The following FAM13A variants were observed in gnomAD, a reference collection of about 807,000 sequenced individuals.
FAM13A encodes family with sequence similarity 13 member A, also known as protein FAM13A.
A neutral mutation model predicts 129.6 loss-of-function variants in FAM13A; 76 were observed. The observed-to-expected ratio is 0.59, with a 90% CI of 0.49 to 0.71. The LOEUF (loss-of-function observed/expected upper bound fraction) is 0.71, where lower values mean the gene tolerates loss of function less well. FAM13A is among the 30% of genes least tolerant of loss of function. FAM13A has a pLI of 0.00. For synonymous variants in FAM13A, 443 were observed against 449.9 expected (o/e 0.98, Z 0.20); for missense variants, 1,108 against 1,249.3 (o/e 0.89, Z 1.70).
chr4:89,021,148 A>G (rs1342213229), intron 2 of FAM13A, among the ~76,000 whole-genome samples: 1 of 152,246 alleles, frequency 6.6e-6, no homozygotes, highest in African/African-American at 2.4e-5. Flanking sequence ...TTCAAAATGT[A>G]AGACTCTAGG....
intron 11 of FAM13A, among the ~76,000 whole-genome samples, chr4:88,771,346 G>A (rs1349591797): frequency 1.3e-5 from 2 of 152,052 alleles, no homozygotes; most frequent in Non-Finnish European, 2.9e-5. Context: ...TGAGGGAAGG[G>A]AAAAGTGTAA....
intron 3 of FAM13A, among the ~76,000 whole-genome samples, chr4:89,015,849 GATATAC>G (rs1191458505): frequency 9.2e-5 from 14 of 151,980 alleles, no homozygotes; most frequent in African/African-American, 3.1e-4. Flanking sequence ...CACAGACTCA[GATATAC>G]ATATACATAT....
chr4:88,877,608 T>C (rs1041090002), intron 6 of FAM13A, among the ~76,000 whole-genome samples: 16 of 152,202 alleles, frequency 1.1e-4, no homozygotes, highest in African/African-American at 3.6e-4. Context: ...GAGTAATTAA[T>C]AGTGGCAGAG....
intron 6 of FAM13A, among the ~76,000 whole-genome samples, chr4:88,888,726 C>A (rs1195541741): frequency 3.3e-5 from 5 of 151,202 alleles, no homozygotes; most frequent in Admixed American, 3.3e-4. Context: ...GAGATCGAGA[C>A]CATCCTGGCT....
At chr4:88,868,008 G>C (rs1740737552) in intron 6 of FAM13A, among the ~76,000 whole-genome samples, 1 of 152,060 alleles carries the variant, frequency 6.6e-6, no homozygotes. Context: ...TTTCCAAACA[G>C]AGAAGTTAAG....
rs1188512026 is a variant in FAM13A, at chr4:88,989,300, T to C, written c.605+1673A>G. Among the ~76,000 whole-genome samples the C allele has an allele frequency of 3.3e-5, 5 of 152,084 alleles. No individual in the cohort carries two copies. The East Asian group carries it at 5.9e-4, about 18-fold the overall frequency. On this transcript the variant is annotated intron_variant, in intron 4 of 23. Coordinates refer to ENST00000264344, the MANE Select transcript of FAM13A (RefSeq NM_014883.4). ...CAAGAATACTAAAACTAGCTAAGCA[T>C]TAGTTTAAAAACCTGAGTTGGCCAG...
chr4:88,801,441 A>C (rs764925058), intron 8 of FAM13A, among the ~76,000 whole-genome samples: 1 of 152,244 alleles, frequency 6.6e-6, no homozygotes, highest in Non-Finnish European at 1.5e-5. Flanking sequence ...CTAAATTAAT[A>C]ATTTAGCCTC....
At chr4:88,757,518 A>G (rs1560908825) in intron 14 of FAM13A, among the ~76,000 whole-genome samples, 1 of 152,230 alleles carries the variant, frequency 6.6e-6, no homozygotes. Flanking sequence ...CTCAAAAATG[A>G]AAGAACAGAA....
chr4:88,851,220 G>A, intron 6 of FAM13A, 37 bp from the exon 7 acceptor site: 1 of 1,488,952 alleles, frequency 6.7e-7, no homozygotes. Flanking sequence ...GGGAGAGCTA[G>A]ATAAATGTTA....
intron 6 of FAM13A, among the ~76,000 whole-genome samples, chr4:88,890,758 T>A (rs994892049): frequency 1.3e-5 from 2 of 152,096 alleles, no homozygotes; most frequent in African/African-American, 4.8e-5. Flanking sequence ...ATTTCTAGCA[T>A]GCCCAATCAG....
intron 4 of FAM13A, among the ~76,000 whole-genome samples, chr4:88,959,459 C>T (rs921162099): frequency 6.6e-6 from 1 of 152,168 alleles, no homozygotes; most frequent in African/African-American, 2.4e-5. Context: ...TTTAAAAGGA[C>T]GTGGCATCTC....
At chr4:88,925,923 G>C (rs1030211971) in intron 5 of FAM13A, among the ~76,000 whole-genome samples, 1 of 152,180 alleles carries the variant, frequency 6.6e-6, no homozygotes, top group East Asian at 1.9e-4. Flanking sequence ...CTTCGTGGAG[G>C]GGGTAGTATT....
intron 4 of FAM13A, among the ~76,000 whole-genome samples, chr4:88,939,147 T>C (rs1754326772): frequency 6.6e-6 from 1 of 152,184 alleles, no homozygotes; most frequent in Admixed American, 6.5e-5. Flanking sequence ...CTTCCAGTTC[T>C]GGAGGCCAAA....
At chr4:88,961,653 C>T (rs1758642645) in intron 4 of FAM13A, among the ~76,000 whole-genome samples, 1 of 152,074 alleles carries the variant, frequency 6.6e-6, no homozygotes, top group African/African-American at 2.4e-5. Context: ...ACGCGTGAGC[C>T]ACCTTGTCTG....
chr4:88,875,427 A>C (rs1301261470), intron 6 of FAM13A, among the ~76,000 whole-genome samples: 1 of 152,230 alleles, frequency 6.6e-6, no homozygotes, highest in Non-Finnish European at 1.5e-5. Context: ...TCTACAAAGA[A>C]CTTAAACAAA....
intron 8 of FAM13A, among the ~76,000 whole-genome samples, chr4:88,804,005 C>T (rs755593902): frequency 2.0e-5 from 3 of 152,134 alleles, no homozygotes; most frequent in Non-Finnish European, 4.4e-5. Context: ...GCCTGTAATC[C>T]CAGCACTTAG....
At chr4:89,021,570 T>C (rs912958548) in intron 2 of FAM13A, among the ~76,000 whole-genome samples, 1 of 151,944 alleles carries the variant, frequency 6.6e-6, no homozygotes, top group African/African-American at 2.4e-5. Flanking sequence ...GATGGGATAA[T>C]AAAATGGAGA....
chr4:88,973,891 T>C (rs1389707269), intron 4 of FAM13A, among the ~76,000 whole-genome samples: 3 of 152,180 alleles, frequency 2.0e-5, no homozygotes, highest in East Asian at 3.8e-4. Flanking sequence ...TTCCTACCCA[T>C]ACATGGGACA....
At chr4:89,023,188 T>C (rs966822191) in intron 2 of FAM13A, among the ~76,000 whole-genome samples, 2 of 152,226 alleles carry the variant, frequency 1.3e-5, no homozygotes, top group East Asian at 1.9e-4. Context: ...GCCAGCTTAA[T>C]CATTTAAAGC....
Sources: allele counts gnomAD v4.1 joint callset (sites outside exome capture counted in the v4.1 genomes callset), GRCh38; gene constraint gnomAD v4.1.1; transcripts MANE v1.5; gene names NCBI Gene and HGNC (gene_info 2026-07-23, HGNC 2026-07-21).